The following TSHZ3 variants were observed in gnomAD, a reference collection of about 807,000 sequenced individuals.
TSHZ3 encodes teashirt zinc finger homeobox 3.
TSHZ3 carries 10 observed loss-of-function variants against 64.5 expected under a neutral mutation model. The ratio of observed to expected loss-of-function variants is 0.16; its 90% CI spans 0.10 to 0.26. The LOEUF (loss-of-function observed/expected upper bound fraction) is 0.26, where lower values mean the gene tolerates loss of function less well. TSHZ3 is among the 10% of genes least tolerant of loss of function. The pLI is 1.00. For missense variants in TSHZ3, 1,242 were observed against 1,421.7 expected (o/e 0.87, Z 2.03); for synonymous variants, 608 against 593.1 (o/e 1.03, Z -0.36).
chr19:31,298,675 C>T (rs1052125490), intron 1 of TSHZ3, among the ~76,000 whole-genome samples: 4 of 151,954 alleles, frequency 2.6e-5, no homozygotes, highest in African/African-American at 7.3e-5. Context: ...TAAACCAGCC[C>T]GAGAAGGAGC....
chr19:31,309,664 T>A (rs1916400116), intron 1 of TSHZ3, among the ~76,000 whole-genome samples: 1 of 152,204 alleles, frequency 6.6e-6, no homozygotes, highest in Non-Finnish European at 1.5e-5. Context: ...GGTACTTTAG[T>A]CATCCAAACT....
At chr19:31,198,879 T>G (rs1975031113) in intron 5 of TSHZ3, among the ~76,000 whole-genome samples, 1 of 152,144 alleles carries the variant, frequency 6.6e-6, no homozygotes, top group African/African-American at 2.4e-5. Context: ...CTCAGCACAA[T>G]CCTAATCAAA....
chr19:31,276,943 C>G lies in TSHZ3; in HGVS notation c.2850G>C (p.Leu950=). The change falls in exon 2 of 2, where the codon CTG becomes CTC. Residue 950 remains leucine (L), a synonymous_variant. Coordinates refer to ENST00000240587, the MANE Select transcript of TSHZ3 (RefSeq NM_020856.4). ...TTCGAAGCTGGTATTTCACGTTGGCCAGCCAGTGGCTGATGGTGGTCATGG... is the reference window on the plus strand; with the variant it reads ...TTCGAAGCTGGTATTTCACGTTGGCGAGCCAGTGGCTGATGGTGGTCATGG... ...GLSMTTISHW[L]ANVKYQLRRT... The G allele has an allele frequency of 6.2e-7, 1 of 1,614,184 alleles. No individual in the cohort carries two copies. Among genetic ancestry groups the G allele is most frequent in the African/African-American group, 1.3e-5 (1 of 75,044 alleles).
intron 3 of TSHZ3, among the ~76,000 whole-genome samples, chr19:31,237,909 A>C (rs1385982987): frequency 1.3e-5 from 2 of 152,194 alleles, no homozygotes; most frequent in African/African-American, 2.4e-5. Flanking sequence ...GATTTTCTAG[A>C]TATGTCATTT....
intron 4 of TSHZ3, among the ~76,000 whole-genome samples, chr19:31,224,397 G>A (rs1247609881): frequency 6.6e-6 from 1 of 152,166 alleles, no homozygotes; most frequent in East Asian, 1.9e-4. Flanking sequence ...AATGCTCTCT[G>A]TGCTAAGATA....
chr19:31,173,177 T>G (rs913155865), intron 5 of TSHZ3, among the ~76,000 whole-genome samples: 14 of 152,172 alleles, frequency 9.2e-5, no homozygotes, highest in Admixed American at 7.2e-4. Flanking sequence ...ACCAAGCTGG[T>G]AGCAGCAGTT....
At chr19:31,168,439 C>A (rs1233444345) in intron 5 of TSHZ3, among the ~76,000 whole-genome samples, 2 of 152,160 alleles carry the variant, frequency 1.3e-5, no homozygotes, top group African/African-American at 4.8e-5. Context: ...TCAAAATGGC[C>A]AAGCTGCGAT....
chr19:31,212,841 GCAC>G (rs1349957366), intron 4 of TSHZ3, among the ~76,000 whole-genome samples: 2 of 152,140 alleles, frequency 1.3e-5, no homozygotes, highest in Non-Finnish European at 2.9e-5. Context: ...ACACTTGAAA[GCAC>G]CCAAGACTGC....
At chr19:31,158,612 A>G (rs934036330) in intron 5 of TSHZ3, among the ~76,000 whole-genome samples, 1 of 152,170 alleles carries the variant, frequency 6.6e-6, no homozygotes, top group African/African-American at 2.4e-5. Flanking sequence ...ATTCAAAAAT[A>G]CTATATTTAT....
At chr19:31,194,407 G>A (rs939301951) in intron 5 of TSHZ3, among the ~76,000 whole-genome samples, 2 of 152,184 alleles carry the variant, frequency 1.3e-5, no homozygotes, top group Non-Finnish European at 2.9e-5. Flanking sequence ...TAACCTGCTA[G>A]GGTTTTATCA....
At position 31,277,357 on chromosome 19, in the gene TSHZ3, G is replaced by C. The variant is rs776216347; in HGVS notation, c.2436C>G (p.Ser812=). ...TGGATGAGGAGGTTGCCGGGGCTGT[G>C]GACGTGGGTGACAGAAGCACTGAAC... ...SLGSVLLSPT[S]TAPATSSSTV... The change falls in exon 2 of 2, where the codon TCC becomes TCG. Residue 812 remains serine (S), a synonymous_variant. Coordinates refer to ENST00000240587, the MANE Select transcript of TSHZ3 (RefSeq NM_020856.4). The surrounding 1 kb of genome is among the most constrained non-coding windows in gnomAD (Gnocchi z 4.5). 6.2e-7 allele frequency: 1 copy of C among 1,614,130 alleles called. No individual in the cohort carries two copies. Among genetic ancestry groups the C allele is most frequent in the Non-Finnish European group, 8.5e-7 (1 of 1,179,938 alleles).
intron 1 of TSHZ3, among the ~76,000 whole-genome samples, chr19:31,301,849 A>G (rs1203531029): frequency 6.6e-6 from 1 of 152,092 alleles, no homozygotes; most frequent in East Asian, 1.9e-4. Context: ...AAGGCACACC[A>G]AAGGCCCCTC....
chr19:31,233,140 CCAGA>C (rs1457801136), intron 3 of TSHZ3, among the ~76,000 whole-genome samples: 1 of 152,150 alleles, frequency 6.6e-6, no homozygotes, highest in African/African-American at 2.4e-5. Flanking sequence ...CATAAAGCCG[CCAGA>C]CAGTTTTCAA....
At chr19:31,252,154 A>C (rs1975852434) in intron 1 of TSHZ3, among the ~76,000 whole-genome samples, 1 of 152,196 alleles carries the variant, frequency 6.6e-6, no homozygotes, top group African/African-American at 2.4e-5. Flanking sequence ...TTATTTTCTC[A>C]CAGCTCTGGA....
downstream of TSHZ3, among the ~76,000 whole-genome samples, chr19:31,273,343 A>G (rs942329800): frequency 1.3e-5 from 2 of 152,178 alleles, no homozygotes; most frequent in African/African-American, 4.8e-5. Flanking sequence ...CAAGGTGTCA[A>G]ACAAGCGAGA....
At chr19:31,239,608 C>G (rs1485627144) in intron 3 of TSHZ3, among the ~76,000 whole-genome samples, 1 of 151,772 alleles carries the variant, frequency 6.6e-6, no homozygotes. Flanking sequence ...TTTTTGGAGA[C>G]AGAGTACTGT....
intron 4 of TSHZ3, among the ~76,000 whole-genome samples, chr19:31,209,833 A>G (rs1975239180): frequency 6.6e-6 from 1 of 152,030 alleles, no homozygotes; most frequent in African/African-American, 2.4e-5. Context: ...GACTTGAGAG[A>G]TGAAATCCTC....
chr19:31,300,439 C>A (rs1410115415), intron 1 of TSHZ3, among the ~76,000 whole-genome samples: 1 of 152,142 alleles, frequency 6.6e-6, no homozygotes, highest in Non-Finnish European at 1.5e-5. Context: ...TAATTGAACA[C>A]AAATTTTTTT....
chr19:31,281,930 T>C (rs1976368026), intron 1 of TSHZ3, among the ~76,000 whole-genome samples: 1 of 152,144 alleles, frequency 6.6e-6, no homozygotes, highest in Non-Finnish European at 1.5e-5. Flanking sequence ...CAGCACTGAA[T>C]GTCTTGCATC....
Sources: allele counts gnomAD v4.1 joint callset (sites outside exome capture counted in the v4.1 genomes callset), GRCh38; gene constraint gnomAD v4.1.1; non-coding constraint Gnocchi (gnomAD v3.1); transcripts MANE v1.5; gene names NCBI Gene and HGNC (gene_info 2026-07-23, HGNC 2026-07-21).